The following TFG variants were observed in gnomAD, a reference collection of about 807,000 sequenced individuals.
The protein encoded by TFG is protein TFG.
A neutral mutation model predicts 51.4 loss-of-function variants in TFG; 22 were observed. The ratio of observed to expected loss-of-function variants is 0.43; its 90% CI spans 0.31 to 0.61. The LOEUF is 0.61. TFG is among the 20% of genes least tolerant of loss of function. The pLI, the probability that TFG is intolerant of heterozygous loss-of-function variation, is 0.12. For synonymous variants in TFG, 187 were observed against 165.6 expected, an observed-to-expected ratio of 1.13 and a Z score of -0.99; for missense variants, 419 against 487.7, an observed-to-expected ratio of 0.86 and a Z score of 1.33.
intron 7 of TFG, among the ~76,000 whole-genome samples, chr3:100,747,653 A>G (rs1356556286): frequency 6.6e-6 from 1 of 152,210 alleles, no homozygotes; most frequent in Non-Finnish European, 1.5e-5. Context: ...TCTAAAAGGA[A>G]TGATTTTAAA....
At chr3:100,724,455 G>A (rs2149072477) in intron 3 of TFG, among the ~76,000 whole-genome samples, 1 of 152,224 alleles carries the variant, frequency 6.6e-6, no homozygotes, top group African/African-American at 2.4e-5. Context: ...TAAATTTAAT[G>A]TACTGTTTCA....
chr3:100,729,781 TTTTCTATTTTTATTTTAG>T (rs1288411337), intron 4 of TFG, among the ~76,000 whole-genome samples: 4 of 152,156 alleles, frequency 2.6e-5, no homozygotes, highest in South Asian at 2.1e-4. Context: ...GAAGTTTTTG[TTTTCTATTTTTATTTTAG>T]TTACAGTTTA....
chr3:100,721,676 A>G (rs1363172696), intron 3 of TFG, among the ~76,000 whole-genome samples: 1 of 152,186 alleles, frequency 6.6e-6, no homozygotes, highest in Non-Finnish European at 1.5e-5. Flanking sequence ...CTTGAGGGGT[A>G]TATTCTCAAT....
chr3:100,711,565 T>G (rs189113409), intron 1 of TFG, among the ~76,000 whole-genome samples: 1 of 152,124 alleles, frequency 6.6e-6, no homozygotes, highest in African/African-American at 2.4e-5. Context: ...GGGTCGGATG[T>G]AAAAACTGAT....
chr3:100,735,483 A>G lies in TFG; in HGVS notation c.581-1093A>G, dbSNP rs183934201. On this transcript the variant is annotated intron_variant, in intron 5 of 7. Transcript: ENST00000240851. ...CTCACAATAACCTTATCAAGTAGGA[A>G]TTAGTATATCCTTTGTACAGATGAG... is the stretch of plus-strand genomic sequence containing the variant. 3.9e-5 allele frequency among the ~76,000 whole-genome samples: 6 copies of G among 152,346 alleles called. No individual in the cohort carries two copies. In the East Asian group the frequency reaches 1.2e-3, roughly 29 times the overall value.
intron 3 of TFG, among the ~76,000 whole-genome samples, chr3:100,724,149 T>G (rs1305217299): frequency 6.6e-6 from 1 of 152,198 alleles, no homozygotes; most frequent in Non-Finnish European, 1.5e-5. Flanking sequence ...TTTATATTAG[T>G]AAACTGGATT....
intron 2 of TFG, among the ~76,000 whole-genome samples, chr3:100,715,490 A>G (rs533331565): frequency 6.6e-6 from 1 of 152,218 alleles, no homozygotes; most frequent in Non-Finnish European, 1.5e-5. Flanking sequence ...CACAACTTAT[A>G]CTGTGGAGGA....
chr3:100,732,771 G>GA, intron 5 of TFG, 99 bp downstream of exon 5: 2 of 1,051,882 alleles, frequency 1.9e-6, no homozygotes, highest in Non-Finnish European at 2.8e-6. Context: ...TGGATATGGT[G>GA]AAGTGCACAA....
intron 6 of TFG, chr3:100,743,521 GTTTC>G (rs2095127097): frequency 3.3e-5 from 5 of 151,906 alleles, no homozygotes; most frequent in African/African-American, 1.2e-4. Context: ...TTTTGTAAGC[GTTTC>G]TTTTTTTTTC....
chr3:100,745,769 C>T (rs767723297), intron 7 of TFG, among the ~76,000 whole-genome samples: 3 of 152,140 alleles, frequency 2.0e-5, no homozygotes, highest in Non-Finnish European at 2.9e-5. Flanking sequence ...AAAGTATAGC[C>T]CACAGGCCAA....
intron 3 of TFG, among the ~76,000 whole-genome samples, chr3:100,724,127 A>G (rs778539872): frequency 2.6e-4 from 40 of 152,218 alleles, no homozygotes; most frequent in Non-Finnish European, 4.7e-4. Context: ...TAGTACTTAC[A>G]GCCTTAAATA....
At chr3:100,714,460 A>G (rs1415899110) in intron 2 of TFG, among the ~76,000 whole-genome samples, 1 of 152,160 alleles carries the variant, frequency 6.6e-6, no homozygotes, top group East Asian at 1.9e-4. Flanking sequence ...AGATCGTGCC[A>G]CTGCACTCCA....
At chr3:100,746,542 A>AT (rs1371440068) in intron 7 of TFG, among the ~76,000 whole-genome samples, 4 of 151,836 alleles carry the variant, frequency 2.6e-5, no homozygotes, top group South Asian at 4.2e-4. Flanking sequence ...CCATATTTCC[A>AT]TTTTTTTGCT....
intron 3 of TFG, among the ~76,000 whole-genome samples, chr3:100,721,650 A>C (rs1469479677): frequency 6.6e-6 from 1 of 152,164 alleles, no homozygotes; most frequent in Non-Finnish European, 1.5e-5. Context: ...ATCTCAGAAG[A>C]AAGGCCAAAA....
At chr3:100,737,178 T>A (rs2095108962) in intron 6 of TFG, among the ~76,000 whole-genome samples, 1 of 152,230 alleles carries the variant, frequency 6.6e-6, no homozygotes, top group Non-Finnish European at 1.5e-5. Flanking sequence ...TTTATAATTT[T>A]GTAAATTTAG....
intron 1 of TFG, among the ~76,000 whole-genome samples, chr3:100,712,111 C>A (rs984364400): frequency 1.3e-5 from 2 of 151,946 alleles, no homozygotes; most frequent in African/African-American, 4.8e-5. Flanking sequence ...TTTAATGACC[C>A]ATTTCATTGA....
rs148618705 is a variant in TFG at position 100,739,294 on chromosome 3, C to T, written c.721+2578C>T. Among the ~76,000 whole-genome samples, 7 of 152,020 alleles carry T rather than the reference C, an allele frequency of 4.6e-5. No individual in the cohort carries two copies. In the East Asian group the frequency reaches 1.4e-3, roughly 29 times the overall value. On this transcript the variant is annotated intron_variant, in intron 6 of 7. Coordinates refer to ENST00000240851, the MANE Select transcript of TFG (RefSeq NM_006070.6). The stretch of plus-strand genomic sequence containing the variant: ...AAGAATTCTGAGTTGTTACTTAACT[C>T]CCATAAAAGGGACTTTGGAACTGTG...
In TFG at chr3:100,748,597, T is replaced by G; in HGVS notation, c.*66T>G. Reference sequence around the variant, plus strand: ...GGCCTCCCAAAAGACTCCAGTACTATTTTAATTTGTATTGAAGAAGTTCAG... The same window carrying G: ...GGCCTCCCAAAAGACTCCAGTACTAGTTTAATTTGTATTGAAGAAGTTCAG... On this transcript the variant is annotated 3_prime_UTR_variant, in exon 8 of 8. Transcript: ENST00000240851. 6.9e-7 allele frequency: 1 copy of G among 1,451,872 alleles called. No homozygotes were observed. Among genetic ancestry groups the G allele is most frequent in the Non-Finnish European group, 9.2e-7 (1 of 1,087,872 alleles). The allele number at this position is 1,451,872 out of a possible 1,614,324, so 89.9% of individuals were successfully genotyped here. A position where few individuals can be genotyped will look rare whatever the true frequency, so the allele number is the denominator to read the frequency against.
rs1057522690 is a variant in TFG at position 100,744,876 on chromosome 3, A to C, written c.765A>C (p.Ala255=). 2.0e-5 allele frequency: 32 copies of C among 1,613,614 alleles called. No homozygotes were observed. Among genetic ancestry groups the C allele is most frequent in the Non-Finnish European group, 2.6e-5 (31 of 1,179,750 alleles). ...QQYQQQAGYG[A]QQPQAPPQQP... ...ACCAGCAACAGGCCGGCTATGGTGC[A>C]CAGCAGCCGCAGGCTCCACCTCAGC... The change falls in exon 7 of 8, where the codon GCA becomes GCC. Residue 255 remains alanine, a synonymous_variant. Transcript: ENST00000240851.
Sources: gnomAD v4.1 joint callset for allele counts (sites outside exome capture counted in the v4.1 genomes callset) on GRCh38, gnomAD v4.1.1 for gene constraint, MANE v1.5 for transcripts, NCBI Gene and HGNC (gene_info 2026-07-23, HGNC 2026-07-21) for gene names.